MDGA2: variants seen among roughly 807,000 people sequenced by gnomAD.
The protein encoded by MDGA2 is MAM domain containing glycosylphosphatidylinositol anchor 2, also known as MAM domain-containing glycosylphosphatidylinositol anchor protein 2.
In MDGA2, 40 loss-of-function variants were observed where a neutral mutation model predicts 117.8. That is an observed-to-expected ratio of 0.34 (90% CI 0.26 to 0.44). The LOEUF (loss-of-function observed/expected upper bound fraction) is 0.44. Ranked by LOEUF, MDGA2 falls within the 20% of genes least tolerant of loss-of-function variation. MDGA2 has a pLI of 1.00. For missense variants in MDGA2, 1,123 were observed against 1,250.6 expected (o/e 0.90, Z 1.54); for synonymous variants, 452 against 439.0 (o/e 1.03, Z -0.37).
chr14:47,119,052 CTTT>C (rs371151507), intron 5 of MDGA2, among the ~76,000 whole-genome samples: 17 of 124,328 alleles, frequency 1.4e-4, no homozygotes, highest in Non-Finnish European at 1.2e-4. Context: ...TACATATTCT[CTTT>C]TTTTTTTTTT....
intron 10 of MDGA2, among the ~76,000 whole-genome samples, chr14:46,914,046 C>G (rs1175150984): frequency 6.6e-6 from 1 of 151,924 alleles, no homozygotes; most frequent in Non-Finnish European, 1.5e-5. Flanking sequence ...TTGTGTATTT[C>G]TATGGCTGAA....
At chr14:46,916,806 A>G (rs1226198342) in intron 10 of MDGA2, among the ~76,000 whole-genome samples, 1 of 152,088 alleles carries the variant, frequency 6.6e-6, no homozygotes, top group Non-Finnish European at 1.5e-5. Context: ...GGAAAGAGTA[A>G]AATTACCAAT....
intron 2 of MDGA2, among the ~76,000 whole-genome samples, chr14:47,223,733 G>A (rs1886380226): frequency 1.3e-5 from 2 of 152,132 alleles, no homozygotes; most frequent in South Asian, 4.1e-4. Flanking sequence ...GTATTAGTCC[G>A]TTCTCATGCT....
In MDGA2 at chr14:47,303,944, A is replaced by C. The variant is rs59052373; in HGVS notation, c.281-2394T>G. 8.1e-3 allele frequency among the ~76,000 whole-genome samples: 1,236 copies of C among 152,284 alleles called. 15 individuals carry two copies. Among genetic ancestry groups the C allele is most frequent in the African/African-American group, 0.028 (1,160 of 41,566 alleles). ...ACCACTTAAATTATACAGTAAGCAC[A>C]CTGTGACATTTACAAGGGTTAATTT... On this transcript the variant is annotated intron_variant, in intron 1 of 16. Coordinates refer to ENST00000399232, the MANE Select transcript of MDGA2 (RefSeq NM_001113498.3).
At chr14:46,963,261 A>C (rs1291709959) in intron 8 of MDGA2, among the ~76,000 whole-genome samples, 1 of 152,204 alleles carries the variant, frequency 6.6e-6, no homozygotes, top group Non-Finnish European at 1.5e-5. Flanking sequence ...CACTACCACT[A>C]CTATTATTTC....
chr14:47,202,265 T>C (rs757574544), intron 3 of MDGA2, among the ~76,000 whole-genome samples: 3 of 152,222 alleles, frequency 2.0e-5, no homozygotes, highest in Non-Finnish European at 4.4e-5. Flanking sequence ...TAAAAACAAC[T>C]GTATAGATAT....
At chr14:47,472,406 T>C (rs1049148427) in intron 1 of MDGA2, among the ~76,000 whole-genome samples, 7 of 152,174 alleles carry the variant, frequency 4.6e-5, no homozygotes, top group Admixed American at 4.6e-4. Flanking sequence ...CAAGTTACTG[T>C]ACTGAATACT....
chr14:47,109,850 G>A (rs1880938018), intron 5 of MDGA2, among the ~76,000 whole-genome samples: 1 of 152,134 alleles, frequency 6.6e-6, no homozygotes, highest in African/African-American at 2.4e-5. Flanking sequence ...GGAGGCTGAG[G>A]CAAGATAATT....
intron 1 of MDGA2, among the ~76,000 whole-genome samples, chr14:47,519,562 T>C (rs1894825842): frequency 6.6e-6 from 1 of 152,170 alleles, no homozygotes; most frequent in African/African-American, 2.4e-5. Context: ...AAATGATGAG[T>C]AAACGCAAGT....
Position 47,110,736 on chromosome 14 carries a change from A to G in MDGA2, c.926-13613T>C, listed in dbSNP as rs1594632873. Among the ~76,000 whole-genome samples the G allele has an allele frequency of 2.0e-5, 3 of 152,194 alleles. No homozygotes were observed. The South Asian group carries it at 6.2e-4, about 31-fold the overall frequency. ...GAGAAAATTCTGTTACATAATTTCT[A>G]AAGGATTGCTTAGAGCAAGTTTTTA... On this transcript the variant is annotated intron_variant, in intron 5 of 16. Transcript: ENST00000399232.
intron 1 of MDGA2, among the ~76,000 whole-genome samples, chr14:47,429,166 A>C (rs1223470898): frequency 6.6e-6 from 1 of 151,846 alleles, no homozygotes; most frequent in Admixed American, 6.6e-5. Flanking sequence ...CAGAGGTTGC[A>C]ATGAGCTGAG....
At chr14:47,139,379 T>C (rs952866175) in intron 4 of MDGA2, among the ~76,000 whole-genome samples, 5 of 152,114 alleles carry the variant, frequency 3.3e-5, no homozygotes, top group Non-Finnish European at 7.4e-5. Flanking sequence ...CATAGCAGTG[T>C]TGTGTAGCTC....
chr14:47,175,980 A>T (rs1158154499), intron 3 of MDGA2, among the ~76,000 whole-genome samples: 3 of 152,336 alleles, frequency 2.0e-5, no homozygotes, highest in Non-Finnish European at 4.4e-5. Flanking sequence ...ATGTGCAAAA[A>T]TCACAAGCAT....
At chr14:47,348,816 A>C (rs1208024532) in intron 1 of MDGA2, among the ~76,000 whole-genome samples, 1 of 152,216 alleles carries the variant, frequency 6.6e-6, no homozygotes, top group Admixed American at 6.5e-5. Context: ...TTAATCTAAA[A>C]GTCATTGCTG....
At chr14:47,378,320 C>T (rs771666221) in intron 1 of MDGA2, among the ~76,000 whole-genome samples, 18 of 152,300 alleles carry the variant, frequency 1.2e-4, no homozygotes, top group South Asian at 2.1e-4. Flanking sequence ...TCCAAAGGAA[C>T]GCAGCTCCTT....
At chr14:46,896,733 T>C (rs551739933) in intron 10 of MDGA2, among the ~76,000 whole-genome samples, 1 of 152,278 alleles carries the variant, frequency 6.6e-6, no homozygotes, top group Middle Eastern at 3.4e-3. Context: ...TACAATATTG[T>C]ATTTTAGTGA....
intron 9 of MDGA2, among the ~76,000 whole-genome samples, chr14:46,953,430 C>T (rs1357615024): frequency 1.3e-5 from 2 of 151,788 alleles, no homozygotes; most frequent in East Asian, 1.9e-4. Context: ...TGTGTACATG[C>T]ACTTTCTGGA....
intron 1 of MDGA2, among the ~76,000 whole-genome samples, chr14:47,492,297 G>A (rs1484510998): frequency 6.6e-6 from 1 of 152,112 alleles, no homozygotes; most frequent in African/African-American, 2.4e-5. Context: ...GACATAAACA[G>A]AAGGTGGAGA....
chr14:47,621,051 T>C (rs771891442), intron 1 of MDGA2, among the ~76,000 whole-genome samples: 16 of 152,158 alleles, frequency 1.1e-4, no homozygotes, highest in Non-Finnish European at 1.9e-4. Flanking sequence ...TCCTTTGAAA[T>C]TTTGGTCACC....
Sources: gnomAD v4.1 joint callset for allele counts (sites outside exome capture counted in the v4.1 genomes callset) on GRCh38, gnomAD v4.1.1 for gene constraint, MANE v1.5 for transcripts, NCBI Gene and HGNC (gene_info 2026-07-23, HGNC 2026-07-21) for gene names.